Variants in NLGN4X observed in about 807,000 individuals in gnomAD.
NLGN4X encodes the protein neuroligin-4, X-linked.
NLGN4X carries 3 observed loss-of-function variants against 40.3 expected under a neutral mutation model. That is an observed-to-expected ratio of 0.07 (90% CI 0.03 to 0.19). NLGN4X has a LOEUF of 0.19. Ranked by LOEUF, NLGN4X falls within the 10% of genes least tolerant of loss-of-function variation. NLGN4X has a pLI of 1.00. For synonymous variants in NLGN4X, 270 were observed against 306.8 expected, an observed-to-expected ratio of 0.88 and a Z score of 1.25; for missense variants, 382 against 708.3, an observed-to-expected ratio of 0.54 and a Z score of 5.23.
At chrX:5,973,748 G>A (rs1044131556) in intron 3 of NLGN4X, among the ~76,000 whole-genome samples, 7 of 110,847 alleles carry the variant, frequency 6.3e-5, no homozygotes, top group East Asian at 2.9e-4. Flanking sequence ...GCGTGAACCC[G>A]GGAGGCGGAG....
chrX:6,153,065 A>G (rs943315512), intron 1 of NLGN4X, among the ~76,000 whole-genome samples: 1 of 112,957 alleles, frequency 8.9e-6, no homozygotes, highest in Non-Finnish European at 1.9e-5. Flanking sequence ...AGGTGTTGCA[A>G]GGAGGGTGCC....
At chrX:5,925,442 T>G (rs2033233523) in intron 3 of NLGN4X, among the ~76,000 whole-genome samples, 1 of 111,193 alleles carries the variant, frequency 9.0e-6, no homozygotes, top group Non-Finnish European at 1.9e-5. Context: ...TCCCATCAAA[T>G]TTTATCAAGC....
At chrX:6,204,267 T>C (rs893273275) in intron 1 of NLGN4X, among the ~76,000 whole-genome samples, 1 of 112,268 alleles carries the variant, frequency 8.9e-6, no homozygotes, top group African/African-American at 3.2e-5. Context: ...AGAAACAATC[T>C]GCTGCCTTCA....
At chrX:6,102,218 G>A (rs1017344314) in intron 2 of NLGN4X, among the ~76,000 whole-genome samples, 1 of 111,692 alleles carries the variant, frequency 9.0e-6, no homozygotes, top group Admixed American at 9.5e-5. Flanking sequence ...TGATTATTAT[G>A]CATTGCATGT....
chrX:6,072,893 C>T (rs2038103573), intron 2 of NLGN4X, among the ~76,000 whole-genome samples: 1 of 112,319 alleles, frequency 8.9e-6, no homozygotes, highest in Non-Finnish European at 1.9e-5. Context: ...GAATTAAGTC[C>T]AAGCTCTTTA....
intron 2 of NLGN4X, among the ~76,000 whole-genome samples, chrX:6,030,711 A>G (rs1569196443): frequency 1.8e-5 from 2 of 111,712 alleles, no homozygotes; most frequent in Non-Finnish European, 3.8e-5. Context: ...ATTTGCAGAT[A>G]TTTAATCCAC....
chrX:6,029,699 A>T (rs1045214470), intron 2 of NLGN4X, among the ~76,000 whole-genome samples: 1 of 111,634 alleles, frequency 9.0e-6, no homozygotes, highest in Non-Finnish European at 1.9e-5. Flanking sequence ...TATCTAAAGC[A>T]CTAAAAGAAA....
intron 2 of NLGN4X, among the ~76,000 whole-genome samples, chrX:6,138,123 A>C (rs1414639686): frequency 9.0e-6 from 1 of 111,674 alleles, no homozygotes; most frequent in Non-Finnish European, 1.9e-5. Flanking sequence ...GAGGTATTCT[A>C]TTTTCTTTTT....
intron 3 of NLGN4X, among the ~76,000 whole-genome samples, chrX:5,981,180 G>A (rs958918503): frequency 1.0e-4 from 11 of 110,348 alleles, no homozygotes; most frequent in African/African-American, 2.6e-4. Flanking sequence ...CGTTTGTGAC[G>A]GATTGGAAAT....
At chrX:5,973,585 G>A (rs1378560148) in intron 3 of NLGN4X, among the ~76,000 whole-genome samples, 1 of 111,708 alleles carries the variant, frequency 9.0e-6, no homozygotes, top group Non-Finnish European at 1.9e-5. Flanking sequence ...CACTTTGGGA[G>A]GCCAAGGCAG....
intron 2 of NLGN4X, chrX:6,032,613 T>C: frequency 1.5e-6 from 1 of 658,165 alleles, no homozygotes; most frequent in East Asian, 3.6e-5. Flanking sequence ...AAAAACAGAT[T>C]GAAATGAAAA....
At chrX:6,001,146 A>T (rs1423864798) in intron 3 of NLGN4X, among the ~76,000 whole-genome samples, 4 of 111,666 alleles carry the variant, frequency 3.6e-5, no homozygotes, top group African/African-American at 1.3e-4. Context: ...GGTAACCACC[A>T]CAGGATTCAA....
At chrX:6,134,814 A>G (rs1234602980) in intron 2 of NLGN4X, among the ~76,000 whole-genome samples, 4 of 112,245 alleles carry the variant, frequency 3.6e-5, no homozygotes, top group Non-Finnish European at 7.5e-5. Flanking sequence ...CTCACAAAGA[A>G]GTCTACTGAG....
At chrX:6,110,567 C>T (rs1408870603) in intron 2 of NLGN4X, among the ~76,000 whole-genome samples, 2 of 111,639 alleles carry the variant, frequency 1.8e-5, no homozygotes, top group East Asian at 2.8e-4. Flanking sequence ...ATTAATGGAA[C>T]GAAGGGGCTG....
chrX:6,116,195 A>T (rs2039278093), intron 2 of NLGN4X, among the ~76,000 whole-genome samples: 1 of 97,696 alleles, frequency 1.0e-5, no homozygotes, highest in South Asian at 5.8e-4. Context: ...CGGGAGGCTA[A>T]GGCAGGAGAA....
chrX:5,977,046 T>G (rs990649315), intron 3 of NLGN4X, among the ~76,000 whole-genome samples: 42 of 112,605 alleles, frequency 3.7e-4, no homozygotes, highest in Non-Finnish European at 6.9e-4. Context: ...TCTCACATAC[T>G]GGAGCATTAA....
chrX:6,090,856 A>AACCTCCTACAATGCATAGGAC (rs1037866600), intron 2 of NLGN4X, among the ~76,000 whole-genome samples: 8 of 110,843 alleles, frequency 7.2e-5, no homozygotes, highest in African/African-American at 2.0e-4. Flanking sequence ...TGCTAAACTA[A>AACCTCCTACAATGCATAGGAC]ACCTCCTACA....
chrX:6,009,311 T>C (rs1032717778), intron 3 of NLGN4X, among the ~76,000 whole-genome samples: 4 of 111,968 alleles, frequency 3.6e-5, no homozygotes, highest in African/African-American at 1.3e-4. Context: ...ATATGGTAGT[T>C]CCATGTTTAC....
At chrX:6,170,327 T>TAG (rs753649399) in intron 1 of NLGN4X, among the ~76,000 whole-genome samples, 13 of 112,156 alleles carry the variant, frequency 1.2e-4, no homozygotes, top group African/African-American at 4.2e-4. Flanking sequence ...TGCTGCATCT[T>TAG]AGAATCCCTA....
Sources: allele counts gnomAD v4.1 joint callset (sites outside exome capture counted in the v4.1 genomes callset), GRCh38; gene constraint gnomAD v4.1.1; transcripts MANE v1.5; gene names NCBI Gene and HGNC (gene_info 2026-07-23, HGNC 2026-07-21).